The following AGPS variants were observed in gnomAD, a reference collection of about 807,000 sequenced individuals.
The protein encoded by AGPS is alkyldihydroxyacetonephosphate synthase, peroxisomal.
AGPS carries 26 observed loss-of-function variants against 90.7 expected under a neutral mutation model. That is an observed-to-expected ratio of 0.29 (90% CI 0.21 to 0.40). The LOEUF is 0.40. Among genes scored for constraint, AGPS ranks in the 10% least tolerant of loss-of-function variants. AGPS has a pLI of 1.00. For missense variants in AGPS, 540 were observed against 816.1 expected, an observed-to-expected ratio of 0.66 and a Z score of 4.12; for synonymous variants, 294 against 285.3, an observed-to-expected ratio of 1.03 and a Z score of -0.31.
chr2:177,400,992 T>C (rs1354181949), intron 1 of AGPS, among the ~76,000 whole-genome samples: 1 of 152,240 alleles, frequency 6.6e-6, no homozygotes, highest in African/African-American at 2.4e-5. Flanking sequence ...TTTAGTCACA[T>C]ATACTATGGA....
chr2:177,447,602 CT>C (rs58821141), intron 8 of AGPS, among the ~76,000 whole-genome samples: 16,861 of 139,958 alleles, frequency 0.12, 1,191 homozygotes, highest in East Asian at 0.36. Context: ...TCCAAGTTTT[CT>C]TTTTTTTTTT....
chr2:177,530,581 T>C (rs1420761256), intron 19 of AGPS, among the ~76,000 whole-genome samples: 2 of 152,180 alleles, frequency 1.3e-5, no homozygotes, highest in African/African-American at 4.8e-5. Flanking sequence ...AGTACCACTT[T>C]TGAGTTCCAG....
chr2:177,444,111 C>T (rs1193646772), intron 7 of AGPS, among the ~76,000 whole-genome samples: 1 of 152,028 alleles, frequency 6.6e-6, no homozygotes, highest in Non-Finnish European at 1.5e-5. Context: ...CCTGATTATA[C>T]CATAGTTGTA....
At chr2:177,428,221 T>C (rs1415503292) in intron 2 of AGPS, among the ~76,000 whole-genome samples, 2 of 152,222 alleles carry the variant, frequency 1.3e-5, no homozygotes, top group East Asian at 3.8e-4. Context: ...CATGTGTGTC[T>C]TTGCATTTTA....
chr2:177,525,463 C>G (rs2079075699), intron 19 of AGPS, among the ~76,000 whole-genome samples: 1 of 152,072 alleles, frequency 6.6e-6, no homozygotes, highest in African/African-American at 2.4e-5. Flanking sequence ...CCCAGTGTAG[C>G]CAACAAATTT....
chr2:177,528,845 A>C (rs927872789), intron 19 of AGPS, among the ~76,000 whole-genome samples: 3 of 133,688 alleles, frequency 2.2e-5, no homozygotes, highest in African/African-American at 8.4e-5. Context: ...CTTGCATATT[A>C]ATCCTTTTTT....
chr2:177,454,464 A>C lies in AGPS; in HGVS notation c.871-7429A>C, dbSNP rs970094654. ...AGAATACAGTTATAATAACTGTTTT[A>C]ATGTTCTTGTCAGCTGTGTCTAACG... On this transcript the variant is annotated intron_variant, in intron 8 of 19. Coordinates refer to ENST00000264167, the MANE Select transcript of AGPS (RefSeq NM_003659.4). 1.6e-4 allele frequency among the ~76,000 whole-genome samples: 25 copies of C among 151,932 alleles called. 1 individual carries two copies. In the East Asian group the frequency reaches 3.5e-3, roughly 21 times the overall value.
chr2:177,457,159 A>C (rs1687143105), intron 8 of AGPS, among the ~76,000 whole-genome samples: 1 of 152,242 alleles, frequency 6.6e-6, no homozygotes, highest in Non-Finnish European at 1.5e-5. Context: ...ACGAAGACAC[A>C]ATGTACCAGA....
intron 3 of AGPS, among the ~76,000 whole-genome samples, chr2:177,434,997 G>GGGTATATATATA (rs36151985): frequency 0.022 from 2,853 of 127,944 alleles, 93 homozygotes; most frequent in African/African-American, 0.047. Flanking sequence ...TAAACTGTAG[G>GGGTATATATATA]TATATATATA....
chr2:177,411,378 T>C (rs1364824820), intron 1 of AGPS, among the ~76,000 whole-genome samples: 1 of 152,228 alleles, frequency 6.6e-6, no homozygotes, highest in East Asian at 1.9e-4. Flanking sequence ...GAATAATTTA[T>C]AGGCTTCTTC....
In AGPS at chr2:177,539,983, T is replaced by C. The variant is rs985407085; in HGVS notation, c.*1788T>C. The C allele has an allele frequency of 1.5e-5, 2 of 132,420 alleles. No homozygotes were observed. Among genetic ancestry groups the C allele is most frequent in the African/African-American group, 5.6e-5 (2 of 35,740 alleles). 8.2% of individuals were successfully genotyped at this position (132,420 alleles called of 1,614,324 possible). A position where few individuals can be genotyped will look rare whatever the true frequency, so the allele number is the denominator to read the frequency against. On this transcript the variant is annotated 3_prime_UTR_variant, in exon 20 of 20. Coordinates refer to ENST00000264167, the MANE Select transcript of AGPS (RefSeq NM_003659.4). Reference sequence around the variant, plus strand: ...CATCTGTTCACGAAGGTAATTTCTTTAATTGGTGATCAAAATATAAAATTA... The same window carrying C: ...CATCTGTTCACGAAGGTAATTTCTTCAATTGGTGATCAAAATATAAAATTA...
At chr2:177,493,849 A>T (rs2105706098) in intron 12 of AGPS, among the ~76,000 whole-genome samples, 1 of 152,322 alleles carries the variant, frequency 6.6e-6, no homozygotes, top group East Asian at 1.9e-4. Context: ...GAAACAGCTC[A>T]AGAAGCAAAG....
chr2:177,440,280 G>A (rs1242815846), intron 5 of AGPS, among the ~76,000 whole-genome samples: 1 of 152,024 alleles, frequency 6.6e-6, no homozygotes, highest in African/African-American at 2.4e-5. Flanking sequence ...TAGTAACACG[G>A]CCTAACCAAA....
rs371588857 is a variant in AGPS at position 177,507,989 on chromosome 2, A to G, written c.1565A>G (p.Tyr522Cys). The change falls in exon 16 of 20, where the codon TAT (tyrosine) becomes TGT (cysteine). Residue 522 changes from tyrosine to cysteine, a missense_variant. Tyr to Cys is a radical substitution (Grantham distance 194, BLOSUM62 -2). Transcript: ENST00000264167. ...AYIRDLALEY[Y>C]VLGESFETSA... Reference sequence around the variant, plus strand: ...TAATAGGACTTGGCTTTGGAATACTATGTATTAGGAGAATCTTTTGAGACT... The same window carrying G: ...TAATAGGACTTGGCTTTGGAATACTGTGTATTAGGAGAATCTTTTGAGACT... The G allele has an allele frequency of 2.0e-5, 32 of 1,612,906 alleles. No individual in the cohort carries two copies. Among genetic ancestry groups the G allele is most frequent in the Non-Finnish European group, 2.6e-5 (31 of 1,179,058 alleles).
rs1451687118 is a variant in AGPS at position 177,541,260 on chromosome 2, T to G, written c.*3065T>G. The G allele has an allele frequency of 6.6e-6, 1 of 152,180 alleles. No homozygotes were observed. Among genetic ancestry groups the G allele is most frequent in the Non-Finnish European group, 1.5e-5 (1 of 68,026 alleles). The allele number at this position is 152,180 out of a possible 1,614,324, so 9.4% of individuals were successfully genotyped here. A position where few individuals can be genotyped will look rare whatever the true frequency, so the allele number is the denominator to read the frequency against. The stretch of plus-strand genomic sequence containing the variant: ...TTCCCCCACTAGAATAGTCTATTAG[T>G]AACTGCTAAGTCCTAGCTTGCATTT... On this transcript the variant is annotated 3_prime_UTR_variant, in exon 20 of 20. Transcript: ENST00000264167.
chr2:177,401,014 G>A (rs1174120301), intron 1 of AGPS, among the ~76,000 whole-genome samples: 1 of 152,146 alleles, frequency 6.6e-6, no homozygotes, highest in Non-Finnish European at 1.5e-5. Flanking sequence ...TGGATATTTT[G>A]CTGTCAACTC....
intron 19 of AGPS, among the ~76,000 whole-genome samples, chr2:177,534,195 T>A (rs13004955): frequency 0.74 from 112,710 of 152,090 alleles, 42,023 homozygotes; most frequent in Admixed American, 0.79. Context: ...TAGTTTCAGA[T>A]AATTTTTGGT....
intron 17 of AGPS, among the ~76,000 whole-genome samples, chr2:177,514,441 A>G (rs1279569191): frequency 1.2e-4 from 19 of 152,228 alleles, no homozygotes; most frequent in Admixed American, 1.2e-3. Flanking sequence ...ACATAATTAC[A>G]TTAAGCTTGA....
chr2:177,428,481 G>A (rs1433902667), intron 2 of AGPS, among the ~76,000 whole-genome samples: 1 of 152,124 alleles, frequency 6.6e-6, no homozygotes, highest in Non-Finnish European at 1.5e-5. Flanking sequence ...TTCATATTTA[G>A]TGCTTTCTTC....
Sources: gnomAD v4.1 joint callset for allele counts (sites outside exome capture counted in the v4.1 genomes callset) on GRCh38, gnomAD v4.1.1 for gene constraint, MANE v1.5 for transcripts, NCBI Gene and HGNC (gene_info 2026-07-23, HGNC 2026-07-21) for gene names.